FAM178B: variants seen among roughly 807,000 people sequenced by gnomAD.
The protein encoded by FAM178B is family with sequence similarity 178 member B, also known as protein FAM178B.
FAM178B carries 82 observed loss-of-function variants against 91.7 expected under a neutral mutation model. That is an observed-to-expected ratio of 0.89 (90% CI 0.75 to 1.07). The LOEUF is 1.07. Among genes scored for constraint, FAM178B ranks in the 50% least tolerant of loss-of-function variants. FAM178B has a pLI of 0.00. For synonymous variants in FAM178B, 368 were observed against 359.4 expected (o/e 1.02, Z -0.27); for missense variants, 769 against 846.7 (o/e 0.91, Z 1.14).
rs549410165 is a variant in FAM178B at position 96,953,350 on chromosome 2, G to A, written c.888-1866C>T. ...GGACCTTGCAAGTTGGCAGAACCCC[G>A]ACAAGGGCCATGTGGTGAGGAGGCT... On this transcript the variant is annotated intron_variant, in intron 6 of 16. Coordinates refer to ENST00000490605, the MANE Select transcript of FAM178B (RefSeq NM_001122646.3). Among the ~76,000 whole-genome samples the A allele has an allele frequency of 7.2e-5, 11 of 152,320 alleles. No individual in the cohort carries two copies. In the South Asian group the frequency reaches 1.0e-3, roughly 14 times the overall value.
intron 12 of FAM178B, among the ~76,000 whole-genome samples, chr2:96,909,423 A>G (rs2081113856): frequency 6.6e-6 from 1 of 152,212 alleles, no homozygotes; most frequent in East Asian, 1.9e-4. Context: ...CTCTCCGCCA[A>G]CCTAGGTCCT....
At chr2:96,937,522 C>T (rs1316708904) in intron 8 of FAM178B, among the ~76,000 whole-genome samples, 6 of 152,174 alleles carry the variant, frequency 3.9e-5, no homozygotes, top group Admixed American at 1.3e-4. Context: ...CTCAGTAGCC[C>T]AGGGGCTCTC....
chr2:96,942,944 T>C (rs2081758869), intron 8 of FAM178B, among the ~76,000 whole-genome samples: 1 of 152,064 alleles, frequency 6.6e-6, no homozygotes, highest in African/African-American at 2.4e-5. Context: ...TGGATATCCA[T>C]AGGCAAAAGA....
chr2:96,901,662 G>A (rs903481974), intron 13 of FAM178B, among the ~76,000 whole-genome samples: 3 of 152,146 alleles, frequency 2.0e-5, no homozygotes, highest in African/African-American at 7.2e-5. Context: ...CTGTTGGGGG[G>A]TTGTGTTTAA....
At chr2:96,895,267 ACTTC>A (rs1644276266) in intron 13 of FAM178B, 2 of 423,144 alleles carry the variant, frequency 4.7e-6, no homozygotes, top group South Asian at 4.1e-5. Context: ...AATCAACGAG[ACTTC>A]CTTATCATCA....
At chr2:96,922,417 T>C (rs1178914738) in intron 10 of FAM178B, among the ~76,000 whole-genome samples, 1 of 152,230 alleles carries the variant, frequency 6.6e-6, no homozygotes. Flanking sequence ...TGGCGCCATC[T>C]TGGCTCACTG....
intron 12 of FAM178B, among the ~76,000 whole-genome samples, chr2:96,920,066 G>A (rs2081308363): frequency 1.3e-5 from 2 of 152,164 alleles, no homozygotes; most frequent in African/African-American, 4.8e-5. Flanking sequence ...TTGAGGGGTA[G>A]GAAAGGAGTC....
At chr2:96,962,475 T>A (rs1216078209) in intron 5 of FAM178B, among the ~76,000 whole-genome samples, 2 of 150,724 alleles carry the variant, frequency 1.3e-5, no homozygotes, top group Non-Finnish European at 3.0e-5. Context: ...AAAAAGCCTA[T>A]AAGAACTAGG....
rs60965536 is a variant in FAM178B, at chr2:96,967,911, C to CTTTTTTTTTTTTTTTTTTTTTTTTTTT, written c.627-311_627-285dup. The stretch of plus-strand genomic sequence containing the variant: ...TCTTTACTTGTGTACCCTGTTTGGT[C>CTTTTTTTTTTTTTTTTTTTTTTTTTTT]TTTTTTTTTTTTTTTTTTTTTTTTT... On this transcript the variant is annotated intron_variant, in intron 4 of 16. Transcript: ENST00000490605. 1.9e-4 allele frequency among the ~76,000 whole-genome samples: 12 copies of CTTTTTTTTTTTTTTTTTTTTTTTTTTT among 62,444 alleles called. 4 individuals are homozygous for CTTTTTTTTTTTTTTTTTTTTTTTTTTT. The highest frequency in any genetic ancestry group is 1.1e-3 in the South Asian group (2 of 1,902). 41.0% of individuals were successfully genotyped at this position (62,444 alleles called of 152,430 possible).
At chr2:96,894,974 T>A (rs2080791513) in intron 13 of FAM178B, 8 of 1,097,692 alleles carry the variant, frequency 7.3e-6, no homozygotes, top group Non-Finnish European at 9.7e-6. Flanking sequence ...CTCCCTTGCA[T>A]CCCTCTCTTT....
intron 10 of FAM178B, among the ~76,000 whole-genome samples, chr2:96,923,214 C>A (rs1365934409): frequency 1.3e-5 from 2 of 152,034 alleles, no homozygotes; most frequent in African/African-American, 4.8e-5. Flanking sequence ...CTCAAATGAT[C>A]CACCTGCCTC....
At chr2:96,971,107 C>CAG (rs1337376180) in intron 3 of FAM178B, among the ~76,000 whole-genome samples, 2 of 151,988 alleles carry the variant, frequency 1.3e-5, no homozygotes, top group Non-Finnish European at 2.9e-5. Context: ...TATCCTGCAC[C>CAG]AGGCTCTATC....
rs529990070 is a variant in FAM178B, at chr2:96,887,729, GAGA to G, written c.1776+6194_1776+6196del. On this transcript the variant is annotated intron_variant, in intron 14 of 16. Transcript: ENST00000490605. ...AGAGTCTATTTTCCTAACTCAGAACGAGAAGAAGATAATCCACAGCGTTGTCCA... is the reference window on the plus strand; with the variant it reads ...AGAGTCTATTTTCCTAACTCAGAACGAGAAGATAATCCACAGCGTTGTCCA... Among the ~76,000 whole-genome samples, 18 of 152,340 alleles carry G rather than the reference GAGA, an allele frequency of 1.2e-4. No homozygotes were observed. The South Asian group carries it at 2.9e-3, about 25-fold the overall frequency.
At chr2:96,927,877 C>T (rs60330255) in intron 9 of FAM178B, among the ~76,000 whole-genome samples, 10,570 of 152,274 alleles carry the variant, frequency 0.069, 453 homozygotes, top group Middle Eastern at 0.15. Context: ...CTGCCTCAGA[C>T]GTTCATTTGT....
At chr2:96,970,247 C>T (rs149068203) in intron 4 of FAM178B, among the ~76,000 whole-genome samples, 1 of 152,292 alleles carries the variant, frequency 6.6e-6, no homozygotes, top group East Asian at 1.9e-4. Flanking sequence ...TGGGAGAAGG[C>T]AGGTGTGAAA....
intron 4 of FAM178B, among the ~76,000 whole-genome samples, chr2:96,969,255 A>C (rs923137564): frequency 6.6e-6 from 1 of 152,194 alleles, no homozygotes; most frequent in African/African-American, 2.4e-5. Context: ...TGAAGCCCTA[A>C]CCCCAGTATA....
intron 5 of FAM178B, among the ~76,000 whole-genome samples, chr2:96,963,490 G>A (rs1033304641): frequency 1.3e-5 from 2 of 152,202 alleles, no homozygotes; most frequent in Non-Finnish European, 2.9e-5. Context: ...CACCTGCCTC[G>A]TGGGAGTCCA....
At chr2:96,899,161 A>G (rs62152901) in intron 13 of FAM178B, among the ~76,000 whole-genome samples, 24,832 of 152,248 alleles carry the variant, frequency 0.16, 2,382 homozygotes, top group African/African-American at 0.25. Flanking sequence ...GGCCCCTGCC[A>G]GTCCTTCCTA....
intron 1 of FAM178B, among the ~76,000 whole-genome samples, chr2:96,976,144 G>A (rs944665728): frequency 6.6e-6 from 1 of 151,410 alleles, no homozygotes; most frequent in Non-Finnish European, 1.5e-5. Flanking sequence ...GCCTAGGCTG[G>A]AGTGCAGTGG....
Sources: allele counts gnomAD v4.1 joint callset (sites outside exome capture counted in the v4.1 genomes callset), GRCh38; gene constraint gnomAD v4.1.1; transcripts MANE v1.5; gene names NCBI Gene and HGNC (gene_info 2026-07-23, HGNC 2026-07-21).